SLC24A3: variants seen among roughly 807,000 people sequenced by gnomAD.
The protein encoded by SLC24A3 is sodium/potassium/calcium exchanger 3.
In SLC24A3, 28 loss-of-function variants were observed where a neutral mutation model predicts 75.8. The observed-to-expected ratio is 0.37, with a 90% CI of 0.27 to 0.51. SLC24A3 has a LOEUF of 0.51. Among genes scored for constraint, SLC24A3 ranks in the 20% least tolerant of loss-of-function variants. The pLI is 0.94. For missense variants in SLC24A3, 663 were observed against 847.8 expected (o/e 0.78, Z 2.71); for synonymous variants, 372 against 334.1 (o/e 1.11, Z -1.24).
intron 2 of SLC24A3, among the ~76,000 whole-genome samples, chr20:19,337,472 AT>A (rs1231441920): frequency 2.7e-4 from 18 of 65,694 alleles, no homozygotes; most frequent in South Asian, 5.0e-4. Context: ...AAATAAATAA[AT>A]TAATTAATTA....
intron 2 of SLC24A3, among the ~76,000 whole-genome samples, chr20:19,323,161 G>A (rs1405325996): frequency 1.5e-4 from 21 of 142,456 alleles, no homozygotes; most frequent in Non-Finnish European, 2.7e-4. Context: ...AGCCGAGATC[G>A]CGCCACTGCA....
intron 3 of SLC24A3, among the ~76,000 whole-genome samples, chr20:19,523,332 G>A (rs559841176): frequency 6.6e-6 from 1 of 152,342 alleles, no homozygotes; most frequent in South Asian, 2.1e-4. Context: ...TACTCTGGAA[G>A]AGAAAAATGA....
At chr20:19,438,383 T>C (rs1987241739) in intron 2 of SLC24A3, among the ~76,000 whole-genome samples, 1 of 152,206 alleles carries the variant, frequency 6.6e-6, no homozygotes, top group Non-Finnish European at 1.5e-5. Context: ...AATGTCCGGC[T>C]CCTGGCCCAT....
chr20:19,720,559 C>T (rs2033093838), intron 16 of SLC24A3, among the ~76,000 whole-genome samples: 1 of 152,048 alleles, frequency 6.6e-6, no homozygotes, highest in Non-Finnish European at 1.5e-5. Flanking sequence ...AACTTCTCAC[C>T]TCCAGACGCA....
At chr20:19,326,627 G>A (rs1984870748) in intron 2 of SLC24A3, among the ~76,000 whole-genome samples, 1 of 150,216 alleles carries the variant, frequency 6.7e-6, no homozygotes, top group African/African-American at 2.5e-5. Flanking sequence ...TCCCAGGCTG[G>A]TGTGTAGTGA....
intron 2 of SLC24A3, among the ~76,000 whole-genome samples, chr20:19,495,997 C>T (rs372915975): frequency 1.3e-5 from 2 of 152,226 alleles, no homozygotes; most frequent in Admixed American, 6.5e-5. Context: ...GACAGAAGAA[C>T]ATAGAAATGT....
chr20:19,646,561 T>G (rs2032139521), intron 6 of SLC24A3, among the ~76,000 whole-genome samples: 1 of 152,190 alleles, frequency 6.6e-6, no homozygotes, highest in Non-Finnish European at 1.5e-5. Context: ...TGTGCTTTGT[T>G]TGAATAGCGT....
At chr20:19,548,575 CA>C (rs1258070163) in intron 3 of SLC24A3, among the ~76,000 whole-genome samples, 1 of 152,188 alleles carries the variant, frequency 6.6e-6, no homozygotes, top group African/African-American at 2.4e-5. Context: ...GTTCTCTGCT[CA>C]GGGTCTCACA....
intron 1 of SLC24A3, among the ~76,000 whole-genome samples, chr20:19,218,553 CAT>C (rs1446691136): frequency 6.6e-6 from 1 of 152,248 alleles, no homozygotes; most frequent in Non-Finnish European, 1.5e-5. Flanking sequence ...TTTAGAAACA[CAT>C]TGCTTTTCAA....
At chr20:19,467,386 G>T (rs1330207650) in intron 2 of SLC24A3, among the ~76,000 whole-genome samples, 3 of 152,168 alleles carry the variant, frequency 2.0e-5, no homozygotes, top group Non-Finnish European at 4.4e-5. Flanking sequence ...GAGAAGACTG[G>T]GTTGTACATA....
intron 2 of SLC24A3, among the ~76,000 whole-genome samples, chr20:19,504,199 G>A (rs979501099): frequency 6.6e-6 from 1 of 152,138 alleles, no homozygotes. Flanking sequence ...ACAACATCAG[G>A]AGGAAAGAAA....
chr20:19,268,756 A>T (rs1983240796), intron 1 of SLC24A3, among the ~76,000 whole-genome samples: 1 of 152,234 alleles, frequency 6.6e-6, no homozygotes. Flanking sequence ...ATGCAAGATC[A>T]CTATACCAAG....
chr20:19,502,787 T>G (rs1013524263), intron 2 of SLC24A3, among the ~76,000 whole-genome samples: 35 of 149,382 alleles, frequency 2.3e-4, no homozygotes, highest in Middle Eastern at 3.6e-3. Context: ...TCTCAGCACT[T>G]TGGGAGGCCA....
At chr20:19,405,811 G>A (rs1304666968) in intron 2 of SLC24A3, among the ~76,000 whole-genome samples, 1 of 152,186 alleles carries the variant, frequency 6.6e-6, no homozygotes, top group East Asian at 1.9e-4. Flanking sequence ...GTCACACACT[G>A]GACAGTATAA....
At position 19,670,756 on chromosome 20, in the gene SLC24A3, A is replaced by G. The variant is rs1600331457; in HGVS notation, c.714-2845A>G. ...CGTATACATTGGTGTCGATGAGATA[A>G]GAACTATGTTCAGGCCACTGGAGGC... On this transcript the variant is annotated intron_variant, in intron 8 of 16. Transcript: ENST00000328041. Among the ~76,000 whole-genome samples, 3 of 152,362 alleles carry G rather than the reference A, an allele frequency of 2.0e-5. No homozygotes were observed. In the South Asian group the frequency reaches 6.2e-4, roughly 32 times the overall value.
chr20:19,293,353 G>C (rs1983986286), intron 2 of SLC24A3, among the ~76,000 whole-genome samples: 1 of 152,026 alleles, frequency 6.6e-6, no homozygotes, highest in Non-Finnish European at 1.5e-5. Context: ...TATGTTCGTG[G>C]CTCGGAAAGG....
chr20:19,490,109 C>T (rs114010500), intron 2 of SLC24A3, among the ~76,000 whole-genome samples: 4 of 152,250 alleles, frequency 2.6e-5, no homozygotes, highest in South Asian at 2.1e-4. Flanking sequence ...CATTGATGGC[C>T]AGATTGGCCA....
chr20:19,352,272 C>G (rs1454184759), intron 2 of SLC24A3, among the ~76,000 whole-genome samples: 2 of 152,184 alleles, frequency 1.3e-5, no homozygotes, highest in Admixed American at 1.3e-4. Context: ...CGATGAGGCC[C>G]TATCCAGGGG....
At chr20:19,288,132 A>G (rs921911481) in intron 2 of SLC24A3, among the ~76,000 whole-genome samples, 24 of 152,210 alleles carry the variant, frequency 1.6e-4, no homozygotes, top group African/African-American at 5.3e-4. Context: ...TGTTTTAATG[A>G]TGAATAGATT....
Sources: allele counts gnomAD v4.1 joint callset (sites outside exome capture counted in the v4.1 genomes callset), GRCh38; gene constraint gnomAD v4.1.1; transcripts MANE v1.5; gene names NCBI Gene and HGNC (gene_info 2026-07-23, HGNC 2026-07-21).